Variants in CCDC171 observed in about 807,000 individuals in gnomAD.
CCDC171 encodes the protein coiled-coil domain containing 171, also known as coiled-coil domain-containing protein 171.
Under a neutral mutation model 168.2 loss-of-function variants are expected in CCDC171, and 177 were observed. The observed-to-expected ratio is 1.05, with a 90% CI of 0.93 to 1.19. The LOEUF (loss-of-function observed/expected upper bound fraction) is 1.19, where lower values mean the gene tolerates loss of function less well. Ranked by LOEUF, CCDC171 falls within the 50% of genes most tolerant of loss-of-function variation. The pLI is 0.00. For missense variants in CCDC171, 1,991 were observed against 1,539.0 expected (o/e 1.29, Z -4.91); for synonymous variants, 687 against 540.8 (o/e 1.27, Z -3.75).
chr9:15,646,522 A>G (rs1320790238), intron 7 of CCDC171, among the ~76,000 whole-genome samples: 1 of 152,244 alleles, frequency 6.6e-6, no homozygotes, highest in Non-Finnish European at 1.5e-5. Context: ...ATGTGCAGAG[A>G]CACACATAGC....
At chr9:15,733,975 A>G (rs1160048782) in intron 16 of CCDC171, among the ~76,000 whole-genome samples, 3 of 151,968 alleles carry the variant, frequency 2.0e-5, no homozygotes, top group East Asian at 1.9e-4. Flanking sequence ...AGGTCTCACT[A>G]TGTTGCCCAG....
At chr9:15,559,325 C>T (rs2039077421) in intron 1 of CCDC171, among the ~76,000 whole-genome samples, 2 of 152,098 alleles carry the variant, frequency 1.3e-5, no homozygotes, top group South Asian at 2.1e-4. Context: ...CTAATGTTTA[C>T]AGTGGGGTTT....
At chr9:15,800,249 C>T (rs1312321537) in intron 21 of CCDC171, among the ~76,000 whole-genome samples, 1 of 152,006 alleles carries the variant, frequency 6.6e-6, no homozygotes, top group Non-Finnish European at 1.5e-5. Context: ...TACAAAGGTT[C>T]TTTTTTCTCC....
chr9:15,924,326 G>A (rs1589141630), intron 25 of CCDC171, among the ~76,000 whole-genome samples: 1 of 151,336 alleles, frequency 6.6e-6, no homozygotes, highest in South Asian at 2.1e-4. Context: ...TATGTGGCTT[G>A]CATGTCAGGG....
chr9:15,752,454 A>G (rs1564346548), intron 18 of CCDC171, among the ~76,000 whole-genome samples: 1 of 152,196 alleles, frequency 6.6e-6, no homozygotes, highest in Non-Finnish European at 1.5e-5. Context: ...ATGCACACAT[A>G]TGTTTATTGC....
chr9:15,994,201 G>T (rs1191319868), intron 3 of CCDC171, among the ~76,000 whole-genome samples: 2 of 152,176 alleles, frequency 1.3e-5, no homozygotes, highest in Non-Finnish European at 2.9e-5. Context: ...GTCCATCAAT[G>T]ATAGACTGGA....
intron 23 of CCDC171, among the ~76,000 whole-genome samples, chr9:15,865,741 A>G (rs2061751874): frequency 1.3e-5 from 2 of 151,864 alleles, no homozygotes; most frequent in African/African-American, 4.8e-5. Flanking sequence ...CCAATAGTAG[A>G]CTGTTTGTAG....
At chr9:15,602,245 A>G (rs996626233) in intron 6 of CCDC171, among the ~76,000 whole-genome samples, 1 of 147,636 alleles carries the variant, frequency 6.8e-6, no homozygotes, top group Non-Finnish European at 1.5e-5. Context: ...GTTTTTTAAA[A>G]ACAACCTGAG....
chr9:15,846,959 G>A, intron 22 of CCDC171, 112 bp downstream of exon 22: 2 of 843,256 alleles, frequency 2.4e-6, no homozygotes, highest in Non-Finnish European at 3.5e-6. Flanking sequence ...CAAAAGTACA[G>A]CTGTCTTTCT....
the CCDC171 span, among the ~76,000 whole-genome samples, chr9:16,090,795 T>C: frequency 1.3e-5 from 2 of 152,204 alleles, no homozygotes; most frequent in South Asian, 4.1e-4. Context: ...AAAGAGACTC[T>C]TAATAATTTC....
intron 24 of CCDC171, among the ~76,000 whole-genome samples, chr9:15,913,707 T>C (rs1824056232): frequency 6.6e-6 from 1 of 152,202 alleles, no homozygotes; most frequent in African/African-American, 2.4e-5. Context: ...TTGTGATCAT[T>C]TGGAGAAGAG....
chr9:15,558,332 C>G (rs1006344701), intron 1 of CCDC171, among the ~76,000 whole-genome samples: 26 of 152,024 alleles, frequency 1.7e-4, no homozygotes, highest in African/African-American at 5.8e-4. Flanking sequence ...CTCTTTGTAC[C>G]TCTGGTAGAA....
At chr9:16,044,172 G>A (rs550822509) in intron 1 of CCDC171, among the ~76,000 whole-genome samples, 11 of 152,336 alleles carry the variant, frequency 7.2e-5, no homozygotes, top group Admixed American at 5.2e-4. Flanking sequence ...CAATAAGGGG[G>A]AAGGGAGGCT....
At chr9:15,613,972 A>G (rs989236206) in intron 6 of CCDC171, among the ~76,000 whole-genome samples, 4 of 152,228 alleles carry the variant, frequency 2.6e-5, no homozygotes, top group Non-Finnish European at 5.9e-5. Context: ...TCAGCTAATG[A>G]ATGGACAGAA....
chr9:16,005,023 T>G (rs1832655765), intron 3 of CCDC171, among the ~76,000 whole-genome samples: 1 of 152,196 alleles, frequency 6.6e-6, no homozygotes, highest in Admixed American at 6.5e-5. Context: ...ATTGAAGTAT[T>G]AATCATGTAA....
chr9:15,566,036 T>C (rs766044414), intron 2 of CCDC171, among the ~76,000 whole-genome samples: 7 of 152,242 alleles, frequency 4.6e-5, no homozygotes, highest in Non-Finnish European at 8.8e-5. Context: ...TCTATTTCAA[T>C]TTAGCCATTT....
At chr9:15,905,722 A>G (rs1213638938) in intron 24 of CCDC171, among the ~76,000 whole-genome samples, 5 of 152,202 alleles carry the variant, frequency 3.3e-5, no homozygotes, top group South Asian at 2.1e-4. Flanking sequence ...CAAAAAATCA[A>G]TGAATCCAGG....
chr9:15,914,714 A>G (rs1459238266), intron 24 of CCDC171, among the ~76,000 whole-genome samples: 1 of 151,836 alleles, frequency 6.6e-6, no homozygotes, highest in Non-Finnish European at 1.5e-5. Context: ...ACTCCTGCAG[A>G]TAGCTTGATG....
At position 15,820,844 on chromosome 9, in the gene CCDC171, G is replaced by A. The variant is rs184075083; in HGVS notation, c.3268-25858G>A. Among the ~76,000 whole-genome samples the A allele has an allele frequency of 2.2e-3, 252 of 116,966 alleles. 66 individuals are homozygous for A. Among genetic ancestry groups the A allele is most frequent in the African/African-American group, 7.7e-3 (239 of 31,114 alleles). 76.7% of individuals were successfully genotyped at this position (116,966 alleles called of 152,430 possible). On this transcript the variant is annotated intron_variant, in intron 21 of 25. Transcript: ENST00000380701. ...CTCCCTAACTCATTTTATGAGGCCA[G>A]CATCATCCTGATACCAAAGCGTGGC...
Sources: allele counts gnomAD v4.1 joint callset (sites outside exome capture counted in the v4.1 genomes callset), GRCh38; gene constraint gnomAD v4.1.1; transcripts MANE v1.5; gene names NCBI Gene and HGNC (gene_info 2026-07-23, HGNC 2026-07-21).